Variants in SLC9A6 observed in about 807,000 individuals in gnomAD.
SLC9A6 encodes the protein solute carrier family 9 member A6.
SLC9A6 carries 6 observed loss-of-function variants against 45.3 expected under a neutral mutation model. The observed-to-expected ratio is 0.13, with a 90% CI of 0.07 to 0.26. The LOEUF is 0.26. SLC9A6 is among the 10% of genes least tolerant of loss of function. The pLI is 1.00. For synonymous variants in SLC9A6, 191 were observed against 187.7 expected, an observed-to-expected ratio of 1.02 and a Z score of -0.14; for missense variants, 278 against 503.7, an observed-to-expected ratio of 0.55 and a Z score of 4.29.
At chrX:136,008,631 C>T (rs2070864127) in intron 7 of SLC9A6, among the ~76,000 whole-genome samples, 1 of 111,896 alleles carries the variant, frequency 8.9e-6, no homozygotes, top group Admixed American at 9.5e-5. Context: ...TAAGAATTAG[C>T]ATGCATGTAA....
chrX:136,000,604 A>G (rs937400557), intron 6 of SLC9A6, among the ~76,000 whole-genome samples: 2 of 112,353 alleles, frequency 1.8e-5, no homozygotes, highest in African/African-American at 6.5e-5. Flanking sequence ...GCCCAAGCAA[A>G]TATCTTTTGC....
Position 136,007,814 on chromosome X carries a change from A to C in SLC9A6, c.744-2628A>C, listed in dbSNP as rs781880685. Among the ~76,000 whole-genome samples the C allele has an allele frequency of 6.3e-5, 7 of 111,506 alleles. No individual in the cohort carries two copies. In the South Asian group the frequency reaches 2.2e-3, roughly 36 times the overall value. On this transcript the variant is annotated intron_variant, in intron 7 of 17. Transcript: ENST00000630721. ...ATTGATTAATATTTGGTATTTTCTA[A>C]TATTGTATTATGACTAGCATGGCAG...
At chrX:136,027,455 C>T (rs1204667518) in intron 13 of SLC9A6, among the ~76,000 whole-genome samples, 1 of 111,458 alleles carries the variant, frequency 9.0e-6, no homozygotes, top group East Asian at 2.8e-4. Flanking sequence ...ACTCTCATGG[C>T]CGGAGTATAG....
chrX:136,033,239 T>A (rs1235438786), intron 15 of SLC9A6, 175 bp from the exon 16 acceptor site: 3 of 301,429 alleles, frequency 1.0e-5, no homozygotes, highest in Non-Finnish European at 1.8e-5. Flanking sequence ...CAGAAAAACA[T>A]TTCAATTTCC....
At chrX:135,983,877 C>T, upstream of SLC9A6, 1 of 109,939 alleles carries the variant, frequency 9.1e-6, no homozygotes. Flanking sequence ...CCACAAAGCC[C>T]AGCTCTGTGT....
intron 1 of SLC9A6, among the ~76,000 whole-genome samples, chrX:135,976,168 C>T (rs2089261585): frequency 9.0e-6 from 1 of 110,775 alleles, no homozygotes; most frequent in Non-Finnish European, 1.9e-5. Flanking sequence ...TGATGGATGT[C>T]AAGTGCAGTA....
rs140317977 is a variant in SLC9A6 at position 135,993,061 on chromosome X, G to T, written c.170-1725G>T. Reference sequence around the variant, plus strand: ...AGTTCCAGAAGTTTGGGTTTTATTTGTAGTTGAGGTATGTCCATACAATGA... The same window carrying T: ...AGTTCCAGAAGTTTGGGTTTTATTTTTAGTTGAGGTATGTCCATACAATGA... On this transcript the variant is annotated intron_variant, in intron 2 of 17. Transcript: ENST00000630721. 2.8e-4 allele frequency among the ~76,000 whole-genome samples: 31 copies of T among 112,303 alleles called. No individual in the cohort carries two copies. In the East Asian group the frequency reaches 8.4e-3, roughly 30 times the overall value.
upstream of SLC9A6, chrX:135,974,526 T>TG: frequency 5.3e-6 from 1 of 188,237 alleles, no homozygotes; most frequent in Non-Finnish European, 1.1e-5. Context: ...GGGGCGGGGC[T>TG]GGGGGCGTTG....
chrX:136,020,454 C>T lies in SLC9A6; in HGVS notation c.1195-2132C>T, dbSNP rs782487176. 1.8e-3 allele frequency among the ~76,000 whole-genome samples: 204 copies of T among 111,791 alleles called. 1 individual carries two copies. The highest frequency in any genetic ancestry group is 1.9e-3 in the Non-Finnish European group (100 of 53,147). On this transcript the variant is annotated intron_variant, in intron 11 of 17. Transcript: ENST00000630721. ...GCAACCTCCGCCTCCCGGGTCCAGG[C>T]GATTTTCCTGTCTCATCCTCCTGAG...
At chrX:136,005,317 G>T (rs2089639840) in intron 7 of SLC9A6, among the ~76,000 whole-genome samples, 1 of 112,606 alleles carries the variant, frequency 8.9e-6, no homozygotes, top group Non-Finnish European at 1.9e-5. Context: ...TGTGAAAGGG[G>T]TCAAAACCTC....
At chrX:136,041,098 A>G (rs1429264912) in intron 17 of SLC9A6, among the ~76,000 whole-genome samples, 1 of 111,130 alleles carries the variant, frequency 9.0e-6, no homozygotes, top group Non-Finnish European at 1.9e-5. Flanking sequence ...AGCCTGGGTG[A>G]CAGAGTGAGA....
At chrX:135,998,632 C>T (rs782807724) in intron 5 of SLC9A6, 74 bp downstream of exon 5, 6 of 794,322 alleles carry the variant, frequency 7.6e-6, no homozygotes, top group South Asian at 7.2e-5. Flanking sequence ...TTGATTTATG[C>T]AGTGTTATAT....
chrX:136,004,248 C>T (rs782487974), intron 7 of SLC9A6, among the ~76,000 whole-genome samples: 2 of 108,947 alleles, frequency 1.8e-5, no homozygotes, highest in African/African-American at 6.7e-5. Flanking sequence ...GCCACCATGC[C>T]TGGCTCATTT....
chrX:136,002,561 CTTTCT>C (rs2148157147), intron 7 of SLC9A6, among the ~76,000 whole-genome samples: 1 of 109,261 alleles, frequency 9.2e-6, no homozygotes, highest in African/African-American at 3.3e-5. Context: ...TTAATATTTT[CTTTCT>C]TTTTTTTTTT....
chrX:135,992,851 G>T (rs976141340), intron 2 of SLC9A6, among the ~76,000 whole-genome samples: 10 of 111,508 alleles, frequency 9.0e-5, no homozygotes, highest in Non-Finnish European at 1.9e-4. Flanking sequence ...TATTCAGTCT[G>T]TTTTCACCAA....
intron 16 of SLC9A6, among the ~76,000 whole-genome samples, chrX:136,038,166 C>T (rs966154912): frequency 1.8e-4 from 20 of 111,420 alleles, no homozygotes; most frequent in Admixed American, 1.7e-3. Context: ...GTTAGCTATA[C>T]GTTTTTGGAT....
rs1556616847 is a variant in SLC9A6, at chrX:135,998,203, T to C, written c.447+18T>C. On this transcript the variant is annotated intron_variant, in intron 4 of 17. Coordinates refer to ENST00000630721, the MANE Select transcript of SLC9A6 (RefSeq NM_001379110.1). ...TGAAAAGGGTAAGTCCTTTTGTCTT[T>C]CATATACTTTGAATAATCTTAAACT... 4 of 952,311 alleles carry C rather than the reference T, an allele frequency of 4.2e-6. No individual in the cohort carries two copies. The highest frequency in any genetic ancestry group is 3.9e-5 in the South Asian group (2 of 51,202). The allele number at this position is 952,311 out of a possible 1,213,427, so 78.5% of individuals were successfully genotyped here.
intron 2 of SLC9A6, among the ~76,000 whole-genome samples, chrX:135,988,512 TTCTC>T (rs1161082869): frequency 4.7e-5 from 5 of 106,375 alleles, no homozygotes; most frequent in African/African-American, 6.8e-5. Flanking sequence ...CTTTCTTTCT[TTCTC>T]TCTCTTTCTT....
chrX:135,985,500 G>C (rs1556614694), intron 1 of SLC9A6, 23 bp downstream of exon 1: 1 of 1,093,762 alleles, frequency 9.1e-7, no homozygotes, highest in Non-Finnish European at 1.2e-6. Context: ...GGCGGGGGGA[G>C]ACATGGCTCG....
Sources: allele counts gnomAD v4.1 joint callset (sites outside exome capture counted in the v4.1 genomes callset), GRCh38; gene constraint gnomAD v4.1.1; transcripts MANE v1.5; gene names NCBI Gene and HGNC (gene_info 2026-07-23, HGNC 2026-07-21).